Variants in EPPIN observed in about 807,000 individuals in gnomAD.
EPPIN encodes the protein WAP four-disulfide core domain protein 7.
A neutral mutation model predicts 18.8 loss-of-function variants in EPPIN; 14 were observed. The ratio of observed to expected loss-of-function variants is 0.75; its 90% CI spans 0.49 to 1.17. EPPIN has a LOEUF of 1.17. Among genes scored for constraint, EPPIN ranks in the 50% most tolerant of loss-of-function variants. The pLI, the probability that EPPIN is intolerant of heterozygous loss-of-function variation, is 0.00. For synonymous variants in EPPIN, 57 were observed against 54.8 expected (o/e 1.04, Z -0.18); for missense variants, 143 against 154.2 (o/e 0.93, Z 0.39).
In EPPIN at chr20:45,542,100, C is replaced by G; in HGVS notation, c.*44G>C. 1 of 1,612,562 alleles carries G rather than the reference C, an allele frequency of 6.2e-7. No individual in the cohort carries two copies. Among genetic ancestry groups the G allele is most frequent in the South Asian group, 1.1e-5 (1 of 90,742 alleles). On this transcript the variant is annotated 3_prime_UTR_variant, in exon 4 of 4. Coordinates refer to ENST00000354280, the MANE Select transcript of EPPIN (RefSeq NM_020398.4). ...TCAGGTACAGGAACAGTACTCAGAG[C>G]ATGAGCCACATTCTGGCAGTTCTTC...
At chr20:45,545,478 C>A in intron 2 of EPPIN, 161 bp downstream of exon 2, 1 of 1,222,756 alleles carries the variant, frequency 8.2e-7, no homozygotes, top group Non-Finnish European at 1.2e-6. Flanking sequence ...ATGGCACACA[C>A]CATATTTGGC....
intron 3 of EPPIN, 28 bp downstream of exon 3, chr20:45,542,672 A>G: frequency 6.2e-7 from 1 of 1,607,020 alleles, no homozygotes; most frequent in Non-Finnish European, 8.5e-7. Context: ...ACTGGAGAGG[A>G]TGAAAGACCG....
chr20:45,547,301 G>A lies in EPPIN; in HGVS notation c.57C>T (p.Val19=). 10 of 1,613,930 alleles carry A rather than the reference G, an allele frequency of 6.2e-6. No individual in the cohort carries two copies. Among genetic ancestry groups the A allele is most frequent in the Non-Finnish European group, 5.1e-6 (6 of 1,179,900 alleles). Residue 19 remains valine, a synonymous_variant, in exon 1 of 4, where the codon GTC becomes GTT. Coordinates refer to ENST00000354280, the MANE Select transcript of EPPIN (RefSeq NM_020398.4). ...LLVLFVLLAN[V]QGPGLTDWLF... ...ACCAATCAGTCAGACCAGGTCCCTG[G>A]ACATTCGCTAAGAGGACGAATAGCA...
rs1979650872 is a variant in EPPIN at position 45,542,720 on chromosome 20, AG to A, written c.370del (p.Leu124Ter). 2.5e-6 allele frequency: 4 copies of A among 1,613,730 alleles called. No homozygotes were observed. The highest frequency in any genetic ancestry group is 3.4e-6 in the Non-Finnish European group (4 of 1,179,826). On this transcript the variant is annotated frameshift_variant, in exon 3 of 4. Coordinates refer to ENST00000354280, the MANE Select transcript of EPPIN (RefSeq NM_020398.4). LOFTEE classifies it low-confidence loss of function (END_TRUNC). Reference sequence around the variant, plus strand: ...CTTACGTTTATTCTTGCAGGTGTTCAGGCAGTTGGCTTTGGATTGGAAGTTG... The same window carrying A: ...CTTACGTTTATTCTTGCAGGTGTTCAGCAGTTGGCTTTGGATTGGAAGTTG... The part of the protein sequence containing the change: ...NNNFQSKANC[L>X]NTCKNKRFP
At position 45,541,217 on chromosome 20, in the gene EPPIN, G is replaced by T. The variant is rs1355726089; in HGVS notation, c.*927C>A. ...CACTTGCAAGTGGGAGATGAACAAT[G>T]AGAACACGTGGACTGTTGAGGGGGC... On this transcript the variant is annotated 3_prime_UTR_variant, in exon 4 of 4. Transcript: ENST00000354280. 1 of 152,050 alleles carries T rather than the reference G, an allele frequency of 6.6e-6. No homozygotes were observed. Among genetic ancestry groups the T allele is most frequent in the Non-Finnish European group, 1.5e-5 (1 of 68,012 alleles). The allele number at this position is 152,050 out of a possible 1,614,324, so 9.4% of individuals were successfully genotyped here. A position where few individuals can be genotyped will look rare whatever the true frequency, so the allele number is the denominator to read the frequency against.
At position 45,545,624 on chromosome 20, in the gene EPPIN, A is replaced by G. The variant is rs1245945895; in HGVS notation, c.223+15T>C. Reference sequence around the variant, plus strand: ...GGGGAGGAGGGGTTGGTTATTCTGCAGCTCTGAATATTACCTTGTTTGAGA... The same window carrying G: ...GGGGAGGAGGGGTTGGTTATTCTGCGGCTCTGAATATTACCTTGTTTGAGA... On this transcript the variant is annotated intron_variant, in intron 2 of 3. Coordinates refer to ENST00000354280, the MANE Select transcript of EPPIN (RefSeq NM_020398.4). 5 of 1,613,856 alleles carry G rather than the reference A, an allele frequency of 3.1e-6. No homozygotes were observed. The South Asian group carries it at 4.4e-5, about 14-fold the overall frequency.
At chr20:45,542,373 A>G (rs1174155482) in intron 3 of EPPIN, 12 of 673,610 alleles carry the variant, frequency 1.8e-5, no homozygotes, top group Non-Finnish European at 3.0e-5. Context: ...TGGTTGGTCA[A>G]CGTGTCTTAA....
At chr20:45,546,052 TG>T in intron 1 of EPPIN, 1 of 488,340 alleles carries the variant, frequency 2.0e-6, no homozygotes, top group Non-Finnish European at 3.6e-6. Context: ...ATTCTTTGTT[TG>T]GGGGGCTGAA....
Position 45,547,303 on chromosome 20 carries a change from C to T in EPPIN, c.55G>A (p.Val19Ile), listed in dbSNP as rs771546199. Residue 19 changes from valine (V) to isoleucine (I), a missense_variant, in exon 1 of 4, where the codon GTC (valine) becomes ATC (isoleucine). Coordinates refer to ENST00000354280, the MANE Select transcript of EPPIN (RefSeq NM_020398.4). ...LLVLFVLLAN[V>I]QGPGLTDWLF... ...CAATCAGTCAGACCAGGTCCCTGGA[C>T]ATTCGCTAAGAGGACGAATAGCACC... 11 of 1,613,970 alleles carry T rather than the reference C, an allele frequency of 6.8e-6. No individual in the cohort carries two copies. Among genetic ancestry groups the T allele is most frequent in the Non-Finnish European group, 9.3e-6 (11 of 1,179,908 alleles).
At position 45,541,773 on chromosome 20, in the gene EPPIN, C is replaced by A. The variant is rs1979598897; in HGVS notation, c.*371G>T. 5.1e-6 allele frequency: 1 copy of A among 197,662 alleles called. No homozygotes were observed. The highest frequency in any genetic ancestry group is 1.0e-5 in the Non-Finnish European group (1 of 96,796). 12.2% of individuals were successfully genotyped at this position (197,662 alleles called of 1,614,324 possible). A position where few individuals can be genotyped will look rare whatever the true frequency, so the allele number is the denominator to read the frequency against. On this transcript the variant is annotated 3_prime_UTR_variant, in exon 4 of 4. Transcript: ENST00000354280. The stretch of plus-strand genomic sequence containing the variant: ...CTCCCTTGAATGATGTCACCAGAAG[C>A]CTCAATGATCCCTTACTCTGCAAAG...
At chr20:45,542,271 T>C in intron 3 of EPPIN, 117 bp from the exon 4 acceptor site, 1 of 1,360,458 alleles carries the variant, frequency 7.4e-7, no homozygotes, top group Non-Finnish European at 1.0e-6. Flanking sequence ...GTGGGTTTGC[T>C]TTGGGGAGCT....
intron 2 of EPPIN, chr20:45,543,140 T>C: frequency 2.7e-6 from 1 of 368,444 alleles, no homozygotes. Context: ...CCAATATGAC[T>C]GGTGTCCTTA....
chr20:45,545,302 G>A, intron 2 of EPPIN: 1 of 297,202 alleles, frequency 3.4e-6, no homozygotes, highest in East Asian at 6.7e-5. Flanking sequence ...TTTATCACTT[G>A]CAGCATATGT....
chr20:45,541,429 T>A lies in EPPIN; in HGVS notation c.*715A>T, dbSNP rs1259966866. ...TTTTTAAAAAGAAAATTTGTAAGCCTGTTTTACATGATTCTTTAAAAGGTC... is the reference window on the plus strand; with the variant it reads ...TTTTTAAAAAGAAAATTTGTAAGCCAGTTTTACATGATTCTTTAAAAGGTC... On this transcript the variant is annotated 3_prime_UTR_variant, in exon 4 of 4. Transcript: ENST00000354280. 1 of 152,208 alleles carries A rather than the reference T, an allele frequency of 6.6e-6. No individual in the cohort carries two copies. The highest frequency in any genetic ancestry group is 6.6e-5 in the Admixed American group (1 of 15,264). The allele number at this position is 152,208 out of a possible 1,614,324, so 9.4% of individuals were successfully genotyped here. A position where few individuals can be genotyped will look rare whatever the true frequency, so the allele number is the denominator to read the frequency against.
At position 45,547,255 on chromosome 20, in the gene EPPIN, G is replaced by A. The variant is rs200282357; in HGVS notation, c.91+12C>T. ...CCCTCTCTCTAGGGTAAGGGCTGAGGCCAATACTTACTGGGAAATAACCAA... is the reference window on the plus strand; with the variant it reads ...CCCTCTCTCTAGGGTAAGGGCTGAGACCAATACTTACTGGGAAATAACCAA... On this transcript the variant is annotated intron_variant, in intron 1 of 3. Transcript: ENST00000354280. The A allele has an allele frequency of 1.2e-6, 2 of 1,613,828 alleles. No individual in the cohort carries two copies. Among genetic ancestry groups the A allele is most frequent in the African/African-American group, 1.3e-5 (1 of 74,996 alleles).
intron 1 of EPPIN, among the ~76,000 whole-genome samples, chr20:45,546,594 G>A (rs1979845808): frequency 6.6e-6 from 1 of 152,078 alleles, no homozygotes. Context: ...TTTTACACAT[G>A]CGGAAACTGA....
Position 45,543,139 on chromosome 20 carries a change from C to T in EPPIN, c.224-272G>A, listed in dbSNP as rs547105240. On this transcript the variant is annotated intron_variant, in intron 2 of 3. Coordinates refer to ENST00000354280, the MANE Select transcript of EPPIN (RefSeq NM_020398.4). ...AGGGTGGGCCCCTATACCAATATGA[C>T]TGGTGTCCTTATACAAACAGGTTAA... is the stretch of plus-strand genomic sequence containing the variant. The T allele has an allele frequency of 4.9e-4, 181 of 371,828 alleles. No individual in the cohort carries two copies. In the Middle Eastern group the frequency reaches 5.9e-3, roughly 12 times the overall value. 23.0% of individuals were successfully genotyped at this position (371,828 alleles called of 1,614,324 possible). A position where few individuals can be genotyped will look rare whatever the true frequency, so the allele number is the denominator to read the frequency against.
At chr20:45,542,555 G>C in intron 3 of EPPIN, 145 bp downstream of exon 3, 7 of 1,242,226 alleles carry the variant, frequency 5.6e-6, no homozygotes, top group Non-Finnish European at 6.7e-6. Context: ...CCTTTTGCCA[G>C]GTGCATTCTT....
chr20:45,542,796 C>A lies in EPPIN; in HGVS notation c.295G>T (p.Asp99Tyr). ...YFLHWWYDKKDNTCSMFVYGG... is the reference protein window; with the variant it reads ...YFLHWWYDKKYNTCSMFVYGG... ...TAGACAAACATGGAGCAAGTATTAT[C>A]TTTCTTGTCATACCACCAATGAAGA... The change falls in exon 3 of 4, where the codon GAT becomes TAT. Residue 99 changes from aspartate (D) to tyrosine (Y), a missense_variant. By Grantham distance (160) the Asp-to-Tyr change is radical (BLOSUM62 -3). Coordinates refer to ENST00000354280, the MANE Select transcript of EPPIN (RefSeq NM_020398.4). 6.2e-7 allele frequency: 1 copy of A among 1,613,984 alleles called. No homozygotes were observed. The highest frequency in any genetic ancestry group is 8.5e-7 in the Non-Finnish European group (1 of 1,179,898).
Sources: gnomAD v4.1 joint callset for allele counts (sites outside exome capture counted in the v4.1 genomes callset) on GRCh38, gnomAD v4.1.1 for gene constraint, MANE v1.5 for transcripts, NCBI Gene and HGNC (gene_info 2026-07-23, HGNC 2026-07-21) for gene names.